SGMS1: variants seen among roughly 807,000 people sequenced by gnomAD.
The protein encoded by SGMS1 is sphingomyelin synthase 1, also known as phosphatidylcholine:ceramide cholinephosphotransferase 1.
SGMS1 carries 13 observed loss-of-function variants against 46.2 expected under a neutral mutation model. The observed-to-expected ratio is 0.28, with a 90% CI of 0.18 to 0.45. The LOEUF (loss-of-function observed/expected upper bound fraction) is 0.45, where lower values mean the gene tolerates loss of function less well. SGMS1 is among the 20% of genes least tolerant of loss of function. The pLI is 1.00. For missense variants in SGMS1, 324 were observed against 519.9 expected (o/e 0.62, Z 3.66); for synonymous variants, 203 against 187.8 (o/e 1.08, Z -0.66).
intron 3 of SGMS1, among the ~76,000 whole-genome samples, chr10:50,499,688 G>A (rs1293272890): frequency 6.6e-6 from 1 of 152,160 alleles, no homozygotes; most frequent in African/African-American, 2.4e-5. Flanking sequence ...GTTTGAAAAA[G>A]TGGTAACAAG....
chr10:50,576,164 A>C (rs1362553399), intron 2 of SGMS1, among the ~76,000 whole-genome samples: 1 of 152,124 alleles, frequency 6.6e-6, no homozygotes, highest in Non-Finnish European at 1.5e-5. Flanking sequence ...CTGATCCATG[A>C]GGTACCCACT....
intron 6 of SGMS1, among the ~76,000 whole-genome samples, chr10:50,351,855 C>A (rs931764551): frequency 2.2e-4 from 34 of 152,244 alleles, no homozygotes; most frequent in African/African-American, 6.7e-4. Flanking sequence ...AGGATTCAAT[C>A]ATGTAAAAGG....
At chr10:50,437,736 G>A (rs1026702480) in intron 5 of SGMS1, among the ~76,000 whole-genome samples, 17 of 152,174 alleles carry the variant, frequency 1.1e-4, no homozygotes, top group African/African-American at 2.9e-4. Flanking sequence ...CTAAAAGGAT[G>A]GTATAGTGAA....
chr10:50,349,388 T>C (rs1000668203), intron 6 of SGMS1, among the ~76,000 whole-genome samples: 2 of 152,242 alleles, frequency 1.3e-5, no homozygotes, highest in Non-Finnish European at 2.9e-5. Context: ...CTTATGTGTG[T>C]GCTATGGTAG....
intron 6 of SGMS1, among the ~76,000 whole-genome samples, chr10:50,351,945 C>T (rs535526887): frequency 7.2e-5 from 11 of 152,266 alleles, no homozygotes; most frequent in Non-Finnish European, 1.0e-4. Context: ...TTGCCCAATT[C>T]GGTCCACAGT....
rs190790076 is a variant in SGMS1 at position 50,566,232 on chromosome 10, C to T, written c.-589+23921G>A. 9.1e-4 allele frequency among the ~76,000 whole-genome samples: 138 copies of T among 152,114 alleles called. 1 individual carries two copies. Among genetic ancestry groups the T allele is most frequent in the Non-Finnish European group, 5.0e-4 (34 of 67,986 alleles). On this transcript the variant is annotated intron_variant, in intron 2 of 10. Transcript: ENST00000361781. ...AGAAGTGGTAACTTAGAAAACAAAA[C>T]TGAGCAAAGATTTATACTGCAAAAG...
chr10:50,578,011 A>G (rs546282021), intron 2 of SGMS1, among the ~76,000 whole-genome samples: 5 of 152,366 alleles, frequency 3.3e-5, no homozygotes, highest in Non-Finnish European at 7.3e-5. Flanking sequence ...GGATACATGT[A>G]ACGTTCAGAA....
intron 2 of SGMS1, among the ~76,000 whole-genome samples, chr10:50,547,171 C>T (rs757540015): frequency 6.6e-6 from 1 of 151,980 alleles, no homozygotes; most frequent in Non-Finnish European, 1.5e-5. Context: ...ACCAAACGTA[C>T]AAATCACAAC....
At chr10:50,613,953 G>A (rs1259445737) in intron 1 of SGMS1, among the ~76,000 whole-genome samples, 1 of 152,126 alleles carries the variant, frequency 6.6e-6, no homozygotes, top group Non-Finnish European at 1.5e-5. Flanking sequence ...GCTGTACAAA[G>A]CTCTTTTTTC....
chr10:50,591,361 T>C (rs1838539263), intron 1 of SGMS1, among the ~76,000 whole-genome samples: 1 of 152,166 alleles, frequency 6.6e-6, no homozygotes, highest in Non-Finnish European at 1.5e-5. Context: ...CCGAACATGA[T>C]GCCTTCCTTA....
chr10:50,378,942 T>C (rs1848561094), intron 6 of SGMS1, among the ~76,000 whole-genome samples: 1 of 152,144 alleles, frequency 6.6e-6, no homozygotes, highest in Non-Finnish European at 1.5e-5. Context: ...CATCTACTAT[T>C]AAAGCACTAT....
At chr10:50,443,977 C>A (rs1480265816) in intron 5 of SGMS1, among the ~76,000 whole-genome samples, 1 of 151,892 alleles carries the variant, frequency 6.6e-6, no homozygotes, top group East Asian at 1.9e-4. Flanking sequence ...TTGTGATCTG[C>A]AGAGTAACTA....
intron 4 of SGMS1, among the ~76,000 whole-genome samples, chr10:50,462,835 C>T (rs192332276): frequency 3.9e-5 from 6 of 152,158 alleles, no homozygotes; most frequent in African/African-American, 7.2e-5. Context: ...ACTGTGGAGT[C>T]GAGCAGAGCT....
intron 6 of SGMS1, among the ~76,000 whole-genome samples, chr10:50,368,724 C>G (rs1033149113): frequency 3.3e-5 from 5 of 152,152 alleles, no homozygotes; most frequent in Admixed American, 3.3e-4. Flanking sequence ...AAAACTAGAG[C>G]CTTGCAATTA....
intron 2 of SGMS1, among the ~76,000 whole-genome samples, chr10:50,524,443 A>G (rs1454802123): frequency 6.6e-6 from 1 of 152,128 alleles, no homozygotes; most frequent in Non-Finnish European, 1.5e-5. Context: ...CCCTTCATGA[A>G]ATACCCTTTT....
chr10:50,409,706 C>T (rs935865658), intron 6 of SGMS1, among the ~76,000 whole-genome samples: 1 of 152,086 alleles, frequency 6.6e-6, no homozygotes, highest in African/African-American at 2.4e-5. Flanking sequence ...CTTCAGGAAA[C>T]TCTTTCGATA....
chr10:50,456,436 T>C (rs778880287), intron 5 of SGMS1, among the ~76,000 whole-genome samples: 2 of 152,164 alleles, frequency 1.3e-5, no homozygotes, highest in Middle Eastern at 6.3e-3. Flanking sequence ...TAACTTAATA[T>C]AGTCTTTAAG....
intron 6 of SGMS1, among the ~76,000 whole-genome samples, chr10:50,389,490 C>T (rs533918400): frequency 1.1e-4 from 16 of 152,292 alleles, no homozygotes; most frequent in African/African-American, 3.8e-4. Context: ...AGACTGGGGC[C>T]ATCAAATCAA....
chr10:50,433,870 C>A (rs916454889), intron 5 of SGMS1, among the ~76,000 whole-genome samples: 1 of 152,114 alleles, frequency 6.6e-6, no homozygotes, highest in African/African-American at 2.4e-5. Flanking sequence ...AGTAACCCAC[C>A]TTCTCTCTCC....
Sources: gnomAD v4.1 joint callset for allele counts (sites outside exome capture counted in the v4.1 genomes callset) on GRCh38, gnomAD v4.1.1 for gene constraint, MANE v1.5 for transcripts, NCBI Gene and HGNC (gene_info 2026-07-23, HGNC 2026-07-21) for gene names.